The following DOT1L variants were observed in gnomAD, a reference collection of about 807,000 sequenced individuals.
The protein encoded by DOT1L is histone-lysine N-methyltransferase, H3 lysine-79 specific.
In DOT1L, 33 loss-of-function variants were observed where a neutral mutation model predicts 153.3. That is an observed-to-expected ratio of 0.22 (90% CI 0.16 to 0.29). DOT1L has a LOEUF of 0.29. DOT1L is among the 10% of genes least tolerant of loss of function. DOT1L has a pLI of 1.00. For synonymous variants in DOT1L, 1,135 were observed against 965.1 expected, an observed-to-expected ratio of 1.18 and a Z score of -3.26; for missense variants, 1,847 against 2,119.9, an observed-to-expected ratio of 0.87 and a Z score of 2.53.
At chr19:2,180,887 C>T in intron 2 of DOT1L, 131 bp downstream of exon 2, 1 of 1,095,310 alleles carries the variant, frequency 9.1e-7, no homozygotes, top group Non-Finnish European at 1.3e-6. Flanking sequence ...TGAAGCGGAT[C>T]AGGGGTGACT....
intron 10 of DOT1L, 70 bp downstream of exon 10, chr19:2,206,867 G>A (rs2023517438): frequency 6.7e-7 from 1 of 1,490,738 alleles, no homozygotes; most frequent in Non-Finnish European, 9.3e-7. Flanking sequence ...GTATTCCTAG[G>A]TCCCTCTTCC....
At chr19:2,172,077 G>A (rs2021664068) in intron 1 of DOT1L, among the ~76,000 whole-genome samples, 1 of 152,206 alleles carries the variant, frequency 6.6e-6, no homozygotes, top group African/African-American at 2.4e-5. Flanking sequence ...AGGAAAGAAG[G>A]CCCTGGGAGG....
Position 2,225,442 on chromosome 19 carries a change from C to T in DOT1L, c.3651C>T (p.Thr1217=), listed in dbSNP as rs549934818. ...TAGAAAGCAAATCTCCCCCGAAAAC[C>T]TTGGAAAATGGTGAGTAACAAGTGT... The part of the protein sequence containing the change: ...ISLESKSPPK[T]LENGGGLAGR... Residue 1217 remains threonine (T), a synonymous_variant, in exon 26 of 28, where the codon ACC becomes ACT. Transcript: ENST00000398665. The T allele has an allele frequency of 3.7e-6, 6 of 1,614,176 alleles. No individual in the cohort carries two copies. The African/African-American group carries it at 5.3e-5, about 14-fold the overall frequency.
At position 2,213,600 on chromosome 19, in the gene DOT1L, A is replaced by G. The variant is rs1271960453; in HGVS notation, c.1619A>G (p.Lys540Arg). ...QQLLSHCQAQ[K>R]EEIRRLFQQK... ...CTCCTCAGCCACTGCCAGGCCCAGA[A>G]GGAGGAGATCAGGAGGCTGTTTCAG... The change falls in exon 17 of 28, where the codon AAG becomes AGG. Residue 540 changes from lysine to arginine, a missense_variant. Coordinates refer to ENST00000398665, the MANE Select transcript of DOT1L (RefSeq NM_032482.3). 6.2e-7 allele frequency: 1 copy of G among 1,613,712 alleles called. No homozygotes were observed. The highest frequency in any genetic ancestry group is 1.3e-5 in the African/African-American group (1 of 75,054).
rs1452790361 is a variant in DOT1L, at chr19:2,190,551, C to T, written c.265-461C>T. On this transcript the variant is annotated intron_variant, in intron 4 of 27. Coordinates refer to ENST00000398665, the MANE Select transcript of DOT1L (RefSeq NM_032482.3). This position sits in a 1 kb window ranked among gnomAD's most constrained non-coding sequence, Gnocchi z 4.8. ...GCTGGCCTGGGCGAGAGGGGACCAC[C>T]TCAGCCTGCTGCAGCTGGTGGGGAG... 6.6e-6 allele frequency among the ~76,000 whole-genome samples: 1 copy of T among 152,168 alleles called. No homozygotes were observed. Among genetic ancestry groups the T allele is most frequent in the East Asian group, 1.9e-4 (1 of 5,190 alleles).
intron 1 of DOT1L, among the ~76,000 whole-genome samples, chr19:2,177,926 AT>A (rs71176524): frequency 0.45 from 64,158 of 143,110 alleles, 13,960 homozygotes; most frequent in East Asian, 0.46. Context: ...ACACCTAGCA[AT>A]TTTTTTTTTT....
intron 25 of DOT1L, among the ~76,000 whole-genome samples, chr19:2,224,979 G>A (rs188433743): frequency 2.0e-5 from 3 of 152,308 alleles, no homozygotes; most frequent in Admixed American, 6.5e-5. Context: ...ATGTCTTCAC[G>A]TGCTGGCCTG....
intron 27 of DOT1L, chr19:2,227,587 C>G (rs2024405992): frequency 2.2e-6 from 2 of 910,464 alleles, no homozygotes; most frequent in Admixed American, 3.6e-5. Flanking sequence ...CGGGCCACCA[C>G]GAGCCTGGCC....
intron 27 of DOT1L, chr19:2,228,820 G>T: frequency 2.0e-6 from 2 of 985,438 alleles, no homozygotes; most frequent in Non-Finnish European, 2.4e-6. Flanking sequence ...CAGGCACGGT[G>T]CCGGCTGCAG....
chr19:2,229,525 A>T lies in DOT1L; in HGVS notation c.4607-260A>T, dbSNP rs946755323. The T allele has an allele frequency of 3.0e-6, 3 of 985,318 alleles. No homozygotes were observed. The African/African-American group carries it at 5.2e-5, about 17-fold the overall frequency. The allele number at this position is 985,318 out of a possible 1,614,324, so 61.0% of individuals were successfully genotyped here. On this transcript the variant is annotated intron_variant, in intron 27 of 27. Transcript: ENST00000398665. Reference sequence around the variant, plus strand: ...GATGAGCTGCAGGTAGGGTGGCTTTAGCTGGACTCGGCTGTGTGTCTCCTT... The same window carrying T: ...GATGAGCTGCAGGTAGGGTGGCTTTTGCTGGACTCGGCTGTGTGTCTCCTT...
intron 25 of DOT1L, among the ~76,000 whole-genome samples, chr19:2,224,994 G>C (rs2024269949): frequency 6.6e-6 from 1 of 152,218 alleles, no homozygotes; most frequent in Admixed American, 6.5e-5. Context: ...GGCCTGCAAT[G>C]CTGTGGCATT....
At chr19:2,174,340 C>T (rs1449855632) in intron 1 of DOT1L, among the ~76,000 whole-genome samples, 1 of 152,208 alleles carries the variant, frequency 6.6e-6, no homozygotes, top group African/African-American at 2.4e-5. Flanking sequence ...GAAGTAGCTG[C>T]ATGGACTTGG....
At chr19:2,169,122 T>G (rs7256735) in intron 1 of DOT1L, among the ~76,000 whole-genome samples, 19,892 of 151,916 alleles carry the variant, frequency 0.13, 1,420 homozygotes, top group East Asian at 0.24. Flanking sequence ...AGTGAGTACA[T>G]GTTCCGCCTG....
chr19:2,189,707 C>T lies in DOT1L; in HGVS notation c.201-25C>T, dbSNP rs368740625. On this transcript the variant is annotated intron_variant, in intron 3 of 27. Transcript: ENST00000398665. Reference sequence around the variant, plus strand: ...TGCGGCTGGCTCCTGCCCGCATGACCAGGGCCTTCCCTTGCCTTTTTCAGC... The same window carrying T: ...TGCGGCTGGCTCCTGCCCGCATGACTAGGGCCTTCCCTTGCCTTTTTCAGC... 2.7e-5 allele frequency: 44 copies of T among 1,607,968 alleles called. No homozygotes were observed. In the African/African-American group the frequency reaches 4.7e-4, roughly 17 times the overall value.
At chr19:2,219,745 C>T (rs560122465) in intron 22 of DOT1L, among the ~76,000 whole-genome samples, 13 of 152,298 alleles carry the variant, frequency 8.5e-5, no homozygotes, top group African/African-American at 3.1e-4. Flanking sequence ...CCTCACCCCA[C>T]CCGACTGCTG....
At chr19:2,211,078 G>T (rs1361317614) in intron 14 of DOT1L, 21 bp from the exon 15 acceptor site, 1 of 1,607,084 alleles carries the variant, frequency 6.2e-7, no homozygotes, top group Non-Finnish European at 8.5e-7. Flanking sequence ...CTGTGCTGAC[G>T]CCTGCCCTCC....
At chr19:2,219,380 C>T (rs1406301517) in intron 22 of DOT1L, among the ~76,000 whole-genome samples, 4 of 152,242 alleles carry the variant, frequency 2.6e-5, no homozygotes, top group African/African-American at 9.6e-5. Flanking sequence ...CGTTGCCCGC[C>T]TCAGCAGTCA....
intron 1 of DOT1L, among the ~76,000 whole-genome samples, chr19:2,170,694 C>T (rs114187696): frequency 1.0e-3 from 158 of 152,264 alleles, no homozygotes; most frequent in African/African-American, 3.4e-3. Context: ...TCCAGGTTCC[C>T]GTCACCCTTA....
At chr19:2,225,691 C>T (rs1430790054) in intron 26 of DOT1L, among the ~76,000 whole-genome samples, 2 of 152,172 alleles carry the variant, frequency 1.3e-5, no homozygotes, top group South Asian at 4.1e-4. Context: ...AGGGCCTCCG[C>T]GCACACGCCA....
Sources: allele counts gnomAD v4.1 joint callset (sites outside exome capture counted in the v4.1 genomes callset), GRCh38; gene constraint gnomAD v4.1.1; non-coding constraint Gnocchi (gnomAD v3.1); transcripts MANE v1.5; gene names NCBI Gene and HGNC (gene_info 2026-07-23, HGNC 2026-07-21).